Variants in ATXN1 observed in about 807,000 individuals in gnomAD.
The protein encoded by ATXN1 is ataxin-1.
ATXN1 carries 8 observed loss-of-function variants against 56.4 expected under a neutral mutation model. The ratio of observed to expected loss-of-function variants is 0.14; its 90% CI spans 0.08 to 0.26. ATXN1 has a LOEUF of 0.26. Among genes scored for constraint, ATXN1 ranks in the 10% least tolerant of loss-of-function variants. The probability of loss-of-function intolerance (pLI) is 1.00; values close to 1 mark genes in which losing one functional copy is unlikely to be tolerated. For missense variants in ATXN1, 987 were observed against 1,106.5 expected, an observed-to-expected ratio of 0.89 and a Z score of 1.53; for synonymous variants, 514 against 494.6, an observed-to-expected ratio of 1.04 and a Z score of -0.52.
At chr6:16,439,662 C>A (rs188042338) in intron 6 of ATXN1, among the ~76,000 whole-genome samples, 143 of 152,118 alleles carry the variant, frequency 9.4e-4, no homozygotes, top group Admixed American at 1.9e-3. Flanking sequence ...GTTTTCTTGT[C>A]CCTAAAAAGT....
At chr6:16,400,742 A>C (rs1758549690) in intron 6 of ATXN1, among the ~76,000 whole-genome samples, 1 of 152,224 alleles carries the variant, frequency 6.6e-6, no homozygotes, top group Non-Finnish European at 1.5e-5. Context: ...ATGAGCTTAC[A>C]GTCTAAAAGA....
intron 5 of ATXN1, among the ~76,000 whole-genome samples, chr6:16,497,268 C>T (rs1462061469): frequency 1.3e-5 from 2 of 151,580 alleles, no homozygotes; most frequent in African/African-American, 2.4e-5. Context: ...GCATTCCTCC[C>T]ATCCAGGTCT....
intron 3 of ATXN1, among the ~76,000 whole-genome samples, chr6:16,599,522 C>A (rs1159637518): frequency 6.6e-6 from 1 of 151,880 alleles, no homozygotes; most frequent in African/African-American, 2.4e-5. Context: ...ACCATCCTGG[C>A]CAACATGCTG....
intron 7 of ATXN1, among the ~76,000 whole-genome samples, chr6:16,307,499 T>C (rs1423615456): frequency 6.6e-6 from 1 of 151,088 alleles, no homozygotes; most frequent in African/African-American, 2.4e-5. Flanking sequence ...GGAAACCCCG[T>C]CTCCACTAAA....
intron 2 of ATXN1, among the ~76,000 whole-genome samples, chr6:16,748,015 G>A (rs1760590986): frequency 6.6e-6 from 1 of 152,224 alleles, no homozygotes; most frequent in Non-Finnish European, 1.5e-5. Context: ...ATGACCCAGT[G>A]AAGTTCTTTT....
At chr6:16,580,115 TCAA>T in intron 4 of ATXN1, among the ~76,000 whole-genome samples, 1 of 152,340 alleles carries the variant, frequency 6.6e-6, no homozygotes, top group South Asian at 2.1e-4. Context: ...AACAGTTGTT[TCAA>T]CAATCAGTGA....
chr6:16,474,112 G>A (rs763082895), intron 6 of ATXN1, among the ~76,000 whole-genome samples: 7 of 152,168 alleles, frequency 4.6e-5, no homozygotes, highest in Non-Finnish European at 1.0e-4. Flanking sequence ...CCTGACTCCA[G>A]CCACTCCAAA....
At chr6:16,601,426 G>A (rs1204863027) in intron 3 of ATXN1, among the ~76,000 whole-genome samples, 1 of 152,226 alleles carries the variant, frequency 6.6e-6, no homozygotes. Flanking sequence ...TGGATACTTG[G>A]TAAGAGGTGG....
In ATXN1 at chr6:16,420,323, A is replaced by T. The variant is rs1001352532; in HGVS notation, c.-161+65649T>A. On this transcript the variant is annotated intron_variant, in intron 6 of 7. Coordinates refer to ENST00000436367, the MANE Select transcript of ATXN1 (RefSeq NM_001128164.2). ...TAGCTATCTTGTGAACAGTCCCAGGATGCCAACTTTCTAAATAAACATCAA... is the reference window on the plus strand; with the variant it reads ...TAGCTATCTTGTGAACAGTCCCAGGTTGCCAACTTTCTAAATAAACATCAA... 5.9e-5 allele frequency among the ~76,000 whole-genome samples: 9 copies of T among 152,224 alleles called. No homozygotes were observed. The South Asian group carries it at 1.9e-3, about 32-fold the overall frequency.
chr6:16,730,770 CAT>C (rs1038241606), intron 2 of ATXN1, among the ~76,000 whole-genome samples: 71 of 152,154 alleles, frequency 4.7e-4, no homozygotes, highest in African/African-American at 1.7e-3. Flanking sequence ...CACAACCACA[CAT>C]ATCTTTCAAA....
At chr6:16,541,532 C>A (rs1761713348) in intron 4 of ATXN1, among the ~76,000 whole-genome samples, 1 of 152,182 alleles carries the variant, frequency 6.6e-6, no homozygotes, top group Admixed American at 6.5e-5. Flanking sequence ...CAGAAGAAGT[C>A]AAAGTGTGCT....
chr6:16,700,186 C>T (rs982543669), intron 2 of ATXN1, among the ~76,000 whole-genome samples: 3 of 152,158 alleles, frequency 2.0e-5, no homozygotes, highest in East Asian at 1.9e-4. Flanking sequence ...CTTCCAGGAC[C>T]GGCCCTTCCT....
chr6:16,592,699 G>A (rs900386661), intron 3 of ATXN1, among the ~76,000 whole-genome samples: 2 of 151,934 alleles, frequency 1.3e-5, no homozygotes, highest in Non-Finnish European at 2.9e-5. Flanking sequence ...TCGTGGTCTC[G>A]CTGACTTCAA....
intron 6 of ATXN1, among the ~76,000 whole-genome samples, chr6:16,338,276 G>A (rs918710110): frequency 5.9e-5 from 9 of 151,900 alleles, no homozygotes; most frequent in Admixed American, 2.0e-4. Flanking sequence ...GGCGGATTGC[G>A]AGGTCAGGAG....
chr6:16,460,028 C>T (rs1203654615), intron 6 of ATXN1, among the ~76,000 whole-genome samples: 2 of 152,156 alleles, frequency 1.3e-5, no homozygotes, highest in East Asian at 3.8e-4. Context: ...CTTGCCCTAA[C>T]ACATTAAAAC....
chr6:16,306,649 G>T lies in ATXN1; in HGVS notation c.2128C>A (p.His710Asn), dbSNP rs754171109. 5 of 1,614,116 alleles carry T rather than the reference G, an allele frequency of 3.1e-6. No individual in the cohort carries two copies. Among genetic ancestry groups the T allele is most frequent in the African/African-American group, 2.7e-5 (2 of 74,922 alleles). ...CCCGCCAGGCCGTCGGCCTTTGAGT[G>T]CTTCAGCAGGACGCTGGCGGGATCC... ...PVDPASVLLK[H>N]SKADGLAGSR... is the part of the protein sequence containing the mutation. Residue 710 changes from histidine to asparagine, a missense_variant, in exon 8 of 8, where the codon CAC becomes AAC. Physicochemically the swap from His to Asn is moderately conservative, Grantham distance 68. This residue lies in a region of ATXN1 where 196 missense variants were observed against 196.7 expected (regional missense o/e 1.00). Transcript: ENST00000436367. The surrounding 1 kb of genome is among the most constrained non-coding windows in gnomAD (Gnocchi z 5.2).
At chr6:16,661,489 T>C (rs944356165) in intron 2 of ATXN1, among the ~76,000 whole-genome samples, 1 of 152,142 alleles carries the variant, frequency 6.6e-6, no homozygotes, top group African/African-American at 2.4e-5. Context: ...CATAAGGGGA[T>C]ATAAATTAAA....
intron 6 of ATXN1, among the ~76,000 whole-genome samples, chr6:16,448,474 A>G (rs1581769876): frequency 1.3e-5 from 2 of 152,282 alleles, no homozygotes; most frequent in African/African-American, 4.8e-5. Context: ...ACAGGTGTAC[A>G]TATTTTGGGG....
intron 6 of ATXN1, among the ~76,000 whole-genome samples, chr6:16,441,374 G>C (rs903890999): frequency 1.6e-4 from 24 of 152,008 alleles, no homozygotes; most frequent in Non-Finnish European, 1.0e-4. Context: ...CTATGGCCTA[G>C]ACACTAGAAA....
Sources: gnomAD v4.1 joint callset for allele counts (sites outside exome capture counted in the v4.1 genomes callset) on GRCh38, gnomAD v4.1.1 for gene constraint, gnomAD v4.1.1 regional missense constraint, Gnocchi (gnomAD v3.1) non-coding constraint, MANE v1.5 for transcripts, NCBI Gene and HGNC (gene_info 2026-07-23, HGNC 2026-07-21) for gene names.